KCNH1: variants seen among roughly 807,000 people sequenced by gnomAD.
KCNH1 encodes the protein potassium voltage-gated channel subfamily H member 1.
A neutral mutation model predicts 69.2 loss-of-function variants in KCNH1; 27 were observed. The ratio of observed to expected loss-of-function variants is 0.39; its 90% CI spans 0.29 to 0.54. The LOEUF is 0.54. Ranked by LOEUF, KCNH1 falls within the 20% of genes least tolerant of loss-of-function variation. KCNH1 has a pLI of 0.68. For synonymous variants in KCNH1, 456 were observed against 487.7 expected (o/e 0.93, Z 0.86); for missense variants, 798 against 1,261.6 (o/e 0.63, Z 5.57).
chr1:210,848,263 GA>G (rs1279537533), intron 7 of KCNH1, among the ~76,000 whole-genome samples: 1 of 152,110 alleles, frequency 6.6e-6, no homozygotes, highest in Non-Finnish European at 1.5e-5. Flanking sequence ...TTACAATTTA[GA>G]AAATGATTTG....
At chr1:210,976,505 G>T (rs1281100261) in intron 6 of KCNH1, among the ~76,000 whole-genome samples, 1 of 146,722 alleles carries the variant, frequency 6.8e-6, no homozygotes, top group Non-Finnish European at 1.5e-5. Context: ...ACTGTTGGTG[G>T]GACTGTAAAC....
chr1:210,874,303 C>A (rs911234350), intron 7 of KCNH1, among the ~76,000 whole-genome samples: 3 of 152,096 alleles, frequency 2.0e-5, no homozygotes, highest in African/African-American at 7.2e-5. Flanking sequence ...AGACATCTCA[C>A]AATGTAAGAG....
At chr1:210,967,336 A>G (rs1395825079) in intron 6 of KCNH1, among the ~76,000 whole-genome samples, 3 of 152,176 alleles carry the variant, frequency 2.0e-5, no homozygotes, top group Non-Finnish European at 4.4e-5. Context: ...GTAAAATACA[A>G]TCAAATTGTA....
rs149075336 is a variant in KCNH1 at position 211,098,082 on chromosome 1, T to C, written c.310+5414A>G. On this transcript the variant is annotated intron_variant, in intron 3 of 10. Coordinates refer to ENST00000271751, the MANE Select transcript of KCNH1 (RefSeq NM_172362.3). ...ATGCCTGTAATCTCCACCTGGGAGG[T>C]AGAGATGGGTGGATGGCTTGAGCTA... 2.1e-3 allele frequency among the ~76,000 whole-genome samples: 312 copies of C among 149,798 alleles called. 2 individuals are homozygous for C. The highest frequency in any genetic ancestry group is 7.4e-3 in the African/African-American group (300 of 40,668).
intron 7 of KCNH1, among the ~76,000 whole-genome samples, chr1:210,866,788 A>G (rs1686119062): frequency 6.6e-6 from 1 of 152,140 alleles, no homozygotes; most frequent in African/African-American, 2.4e-5. Flanking sequence ...TGTCCATATG[A>G]AAACTTGTAC....
intron 6 of KCNH1, among the ~76,000 whole-genome samples, chr1:210,936,306 T>A (rs555425753): frequency 6.6e-6 from 1 of 152,334 alleles, no homozygotes; most frequent in East Asian, 1.9e-4. Flanking sequence ...CCCATCTTCA[T>A]GTGTAGAGAA....
At chr1:210,860,902 T>C in intron 7 of KCNH1, 1 of 937,502 alleles carries the variant, frequency 1.1e-6, no homozygotes, top group Non-Finnish European at 1.8e-6. Flanking sequence ...AGAGAACACA[T>C]GATTCTGCAA....
chr1:210,919,158 C>T lies in KCNH1; in HGVS notation c.1462+482G>A, dbSNP rs922387470. The T allele has an allele frequency of 6.5e-5, 10 of 154,082 alleles. No homozygotes were observed. The highest frequency in any genetic ancestry group is 2.5e-4 in the Admixed American group (4 of 15,744). 9.5% of individuals were successfully genotyped at this position (154,082 alleles called of 1,614,324 possible). A position where few individuals can be genotyped will look rare whatever the true frequency, so the allele number is the denominator to read the frequency against. On this transcript the variant is annotated intron_variant, in intron 7 of 10. Transcript: ENST00000271751. The surrounding 1 kb of genome is among the most constrained non-coding windows in gnomAD (Gnocchi z 4.2). ...GTAAAGGAATGGATATGTTAATTTGCTTTGCTGTCATAATCATTTCACTAT... is the reference window on the plus strand; with the variant it reads ...GTAAAGGAATGGATATGTTAATTTGTTTTGCTGTCATAATCATTTCACTAT...
chr1:210,738,889 G>T (rs1231305995), intron 10 of KCNH1, among the ~76,000 whole-genome samples: 1 of 152,052 alleles, frequency 6.6e-6, no homozygotes, highest in African/African-American at 2.4e-5. Flanking sequence ...TTCTCAGCCT[G>T]ATTCATCAGC....
Position 210,683,651 on chromosome 1 carries a change from T to C in KCNH1, c.2600A>G (p.Lys867Arg). 1 of 1,614,216 alleles carries C rather than the reference T, an allele frequency of 6.2e-7. No individual in the cohort carries two copies. Among genetic ancestry groups the C allele is most frequent in the East Asian group, 2.2e-5 (1 of 44,884 alleles). ...CTTCAGTGTGGCCTCGCCTGACGCTTTTGTCCTCTCGGGAAGTGTCTCCAT... is the reference window on the plus strand; with the variant it reads ...CTTCAGTGTGGCCTCGCCTGACGCTCTTGTCCTCTCGGGAAGTGTCTCCAT... The part of the protein sequence containing the change: ...ESMETLPERT[K>R]ASGEATLKKT... The change falls in exon 11 of 11, where the codon AAA becomes AGA. Residue 867 changes from lysine to arginine, a missense_variant. Coordinates refer to ENST00000271751, the MANE Select transcript of KCNH1 (RefSeq NM_172362.3). This position sits in a 1 kb window ranked among gnomAD's most constrained non-coding sequence, Gnocchi z 5.7.
intron 7 of KCNH1, among the ~76,000 whole-genome samples, chr1:210,823,938 C>T (rs935629541): frequency 1.4e-5 from 2 of 147,928 alleles, no homozygotes; most frequent in Non-Finnish European, 3.0e-5. Context: ...CCAAATGTGC[C>T]CATTTTTCTT....
chr1:211,041,775 G>A (rs1690000593), intron 5 of KCNH1, among the ~76,000 whole-genome samples: 1 of 151,954 alleles, frequency 6.6e-6, no homozygotes, highest in Non-Finnish European at 1.5e-5. Context: ...GTTTTTTTGA[G>A]ATGGAGTTTC....
intron 7 of KCNH1, among the ~76,000 whole-genome samples, chr1:210,894,490 G>T (rs932820793): frequency 6.6e-6 from 1 of 152,120 alleles, no homozygotes; most frequent in Non-Finnish European, 1.5e-5. Context: ...CACAAGGGTT[G>T]ATTAGTTATC....
intron 7 of KCNH1, among the ~76,000 whole-genome samples, chr1:210,893,233 A>G (rs1332896637): frequency 2.0e-5 from 3 of 152,170 alleles, no homozygotes; most frequent in African/African-American, 7.2e-5. Flanking sequence ...TTACATGTCT[A>G]AGATATCTTC....
At position 211,133,087 on chromosome 1, in the gene KCNH1, T is replaced by C. The variant is rs1364717162; in HGVS notation, c.79+780A>G. The C allele has an allele frequency of 6.6e-6, 1 of 152,182 alleles. No homozygotes were observed. The allele number at this position is 152,182 out of a possible 1,614,324, so 9.4% of individuals were successfully genotyped here. On this transcript the variant is annotated intron_variant, in intron 1 of 10. Coordinates refer to ENST00000271751, the MANE Select transcript of KCNH1 (RefSeq NM_172362.3). The surrounding 1 kb of genome is among the most constrained non-coding windows in gnomAD (Gnocchi z 5.4). Reference sequence around the variant, plus strand: ...TCAGTTTATTGGGTAATGGATCTATTTATAGGTTTGGTGAGATTGGGAATT... The same window carrying C: ...TCAGTTTATTGGGTAATGGATCTATCTATAGGTTTGGTGAGATTGGGAATT...
chr1:210,822,681 T>C (rs1283597629), intron 7 of KCNH1, among the ~76,000 whole-genome samples: 1 of 152,124 alleles, frequency 6.6e-6, no homozygotes, highest in African/African-American at 2.4e-5. Flanking sequence ...ACACCCCATC[T>C]GTACCCAATG....
intron 7 of KCNH1, among the ~76,000 whole-genome samples, chr1:210,844,425 A>C (rs1685493582): frequency 6.6e-6 from 1 of 152,178 alleles, no homozygotes; most frequent in Admixed American, 6.5e-5. Flanking sequence ...TAAGAAACTC[A>C]CTCAAAACCG....
chr1:210,870,822 A>G (rs989133239), intron 7 of KCNH1, among the ~76,000 whole-genome samples: 1 of 152,114 alleles, frequency 6.6e-6, no homozygotes, highest in African/African-American at 2.4e-5. Context: ...CTCCAATACA[A>G]TTCATAGAAA....
At chr1:210,923,337 C>T (rs1687502767) in intron 6 of KCNH1, among the ~76,000 whole-genome samples, 1 of 152,240 alleles carries the variant, frequency 6.6e-6, no homozygotes, top group East Asian at 1.9e-4. Context: ...ACCACTCCCA[C>T]TCCTACTGCC....
Sources: gnomAD v4.1 joint callset for allele counts (sites outside exome capture counted in the v4.1 genomes callset) on GRCh38, gnomAD v4.1.1 for gene constraint, Gnocchi (gnomAD v3.1) non-coding constraint, MANE v1.5 for transcripts, NCBI Gene and HGNC (gene_info 2026-07-23, HGNC 2026-07-21) for gene names.